The following FBXO25 variants were observed in gnomAD, a reference collection of about 807,000 sequenced individuals.
The protein encoded by FBXO25 is F-box only protein 25.
In FBXO25, 45 loss-of-function variants were observed where a neutral mutation model predicts 51.9. The observed-to-expected ratio is 0.87, with a 90% CI of 0.68 to 1.11. The LOEUF (loss-of-function observed/expected upper bound fraction) is 1.11, where lower values mean the gene tolerates loss of function less well. Among genes scored for constraint, FBXO25 ranks in the 50% most tolerant of loss-of-function variants. The probability of loss-of-function intolerance (pLI) is 0.00; values close to 1 mark genes in which losing one functional copy is unlikely to be tolerated. For missense variants in FBXO25, 507 were observed against 428.5 expected (o/e 1.18, Z -1.62); for synonymous variants, 199 against 151.0 (o/e 1.32, Z -2.33).
Position 451,258 on chromosome 8 carries a change from A to G in FBXO25, c.476-11A>G, listed in dbSNP as rs200227738. ...TGTATCAATCCATAGTTTTATTTTT[A>G]TTTATTCCAGTTCTTGATGACCACC... On this transcript the variant is annotated splice_polypyrimidine_tract_variant and intron_variant, in intron 6 of 9. Coordinates refer to ENST00000350302, the MANE Select transcript of FBXO25 (RefSeq NM_183420.2). The G allele has an allele frequency of 1.6e-4, 252 of 1,582,240 alleles. 1 individual carries two copies. The highest frequency in any genetic ancestry group is 6.2e-5 in the Non-Finnish European group (73 of 1,169,156).
At chr8:410,662 T>C (rs1235649335) in intron 1 of FBXO25, among the ~76,000 whole-genome samples, 1 of 152,210 alleles carries the variant, frequency 6.6e-6, no homozygotes, top group South Asian at 2.1e-4. Context: ...TAGATAACTT[T>C]AGGTCGACTG....
intron 1 of FBXO25, among the ~76,000 whole-genome samples, chr8:407,894 C>G (rs1332381680): frequency 6.6e-6 from 1 of 152,208 alleles, no homozygotes; most frequent in African/African-American, 2.4e-5. Context: ...GATTCCACCT[C>G]TGTCCTTGGG....
At chr8:444,616 C>T (rs1253837934) in intron 5 of FBXO25, among the ~76,000 whole-genome samples, 1 of 152,128 alleles carries the variant, frequency 6.6e-6, no homozygotes, top group Non-Finnish European at 1.5e-5. Context: ...TTATCTAATT[C>T]TTCCACATCT....
At chr8:410,885 C>G (rs1382387277) in intron 1 of FBXO25, among the ~76,000 whole-genome samples, 1 of 152,192 alleles carries the variant, frequency 6.6e-6, no homozygotes, top group African/African-American at 2.4e-5. Flanking sequence ...AGAATAATTA[C>G]TTCATCATTT....
chr8:463,190 T>G, intron 9 of FBXO25, 40 bp downstream of exon 9: 1 of 1,599,040 alleles, frequency 6.3e-7, no homozygotes. Flanking sequence ...CAGGATTAAA[T>G]TTTGGTGAAA....
intron 2 of FBXO25, among the ~76,000 whole-genome samples, chr8:414,872 C>T (rs767324209): frequency 3.9e-5 from 6 of 152,186 alleles, no homozygotes; most frequent in Non-Finnish European, 7.3e-5. Flanking sequence ...GGATCCCCCG[C>T]CCTGCTTCCT....
rs375561805 is a variant in FBXO25 at position 442,161 on chromosome 8, T to G, written c.381+6454T>G. On this transcript the variant is annotated intron_variant, in intron 5 of 9. Coordinates refer to ENST00000350302, the MANE Select transcript of FBXO25 (RefSeq NM_183420.2). ...AATTTACTGTTGTATAATAATTTAT[T>G]CAGTAGGCCCTGCTATATCCCAAGC... is the stretch of plus-strand genomic sequence containing the variant. Among the ~76,000 whole-genome samples, 21 of 152,280 alleles carry G rather than the reference T, an allele frequency of 1.4e-4. No homozygotes were observed. The East Asian group carries it at 1.9e-3, about 14-fold the overall frequency.
intron 2 of FBXO25, among the ~76,000 whole-genome samples, chr8:424,660 T>C (rs879729518): frequency 1.3e-5 from 2 of 152,232 alleles, no homozygotes; most frequent in African/African-American, 2.4e-5. Context: ...TTGTCAAAGA[T>C]TGAATGGTTG....
intron 9 of FBXO25, chr8:468,358 G>A (rs1489611554): frequency 2.5e-6 from 2 of 793,326 alleles, no homozygotes; most frequent in Non-Finnish European, 3.1e-6. Flanking sequence ...AGGAATGGCT[G>A]GGACCAGAGG....
At chr8:426,256 G>T (rs1486173388) in intron 2 of FBXO25, among the ~76,000 whole-genome samples, 1 of 152,048 alleles carries the variant, frequency 6.6e-6, no homozygotes, top group Non-Finnish European at 1.5e-5. Flanking sequence ...CTGTGTTTGT[G>T]TATACTCATA....
intron 1 of FBXO25, among the ~76,000 whole-genome samples, chr8:411,836 G>C (rs1344278991): frequency 6.6e-6 from 1 of 152,168 alleles, no homozygotes; most frequent in Non-Finnish European, 1.5e-5. Context: ...AGCAGTGTGA[G>C]CATCTGAGGT....
Position 470,969 on chromosome 8 carries a change from T to G in FBXO25, c.*2165T>G, listed in dbSNP as rs993040647. The G allele has an allele frequency of 1.3e-5, 2 of 152,222 alleles. No individual in the cohort carries two copies. Among genetic ancestry groups the G allele is most frequent in the African/African-American group, 4.8e-5 (2 of 41,456 alleles). 9.4% of individuals were successfully genotyped at this position (152,222 alleles called of 1,614,324 possible). The stretch of plus-strand genomic sequence containing the variant: ...ACTATCCTTTTGAAGTTGTGGTTCT[T>G]TCCCCTAATTTGTCATATACTGTTA... On this transcript the variant is annotated 3_prime_UTR_variant, in exon 10 of 10. Transcript: ENST00000350302.
At chr8:415,939 G>A (rs937698707) in intron 2 of FBXO25, among the ~76,000 whole-genome samples, 5 of 152,150 alleles carry the variant, frequency 3.3e-5, no homozygotes, top group Non-Finnish European at 7.3e-5. Context: ...AACTATAGGC[G>A]CTGTTGAGGA....
At chr8:426,042 C>G (rs1317530372) in intron 2 of FBXO25, among the ~76,000 whole-genome samples, 1 of 152,174 alleles carries the variant, frequency 6.6e-6, no homozygotes, top group Non-Finnish European at 1.5e-5. Context: ...CCGCCTCTAC[C>G]AGAACACTGG....
At chr8:441,848 G>A (rs148903586) in intron 5 of FBXO25, among the ~76,000 whole-genome samples, 14,705 of 152,206 alleles carry the variant, frequency 0.097, 842 homozygotes, top group African/African-American at 0.15. Flanking sequence ...TCATTAAAAA[G>A]TCAGGAAACA....
intron 1 of FBXO25, among the ~76,000 whole-genome samples, chr8:411,993 T>A (rs1796507610): frequency 6.6e-6 from 1 of 152,208 alleles, no homozygotes; most frequent in Admixed American, 6.5e-5. Context: ...AAAAGCTTCC[T>A]GTGATGTTAA....
At chr8:441,215 G>A (rs28771178) in intron 5 of FBXO25, among the ~76,000 whole-genome samples, 193 of 152,214 alleles carry the variant, frequency 1.3e-3, no homozygotes, top group South Asian at 2.3e-3. Context: ...AACGCCACAC[G>A]TCTACAACCA....
chr8:444,746 A>G (rs1350081085), intron 5 of FBXO25, among the ~76,000 whole-genome samples: 4 of 151,900 alleles, frequency 2.6e-5, no homozygotes, highest in African/African-American at 4.8e-5. Flanking sequence ...TCCTTTTTTT[A>G]CTGTACCTTT....
rs542546388 is a variant in FBXO25 at position 475,444 on chromosome 8, G to A, written c.*6640G>A. On this transcript the variant is annotated 3_prime_UTR_variant, in exon 10 of 10. Transcript: ENST00000350302. ...TGAGGTCTCTTGAGATTCCATATGA[G>A]TTTCAGGATGGAAAAAAAAAAGCCA... is the stretch of plus-strand genomic sequence containing the variant. 1.3e-5 allele frequency: 2 copies of A among 152,056 alleles called. No individual in the cohort carries two copies. Among genetic ancestry groups the A allele is most frequent in the Non-Finnish European group, 2.9e-5 (2 of 68,844 alleles). The allele number at this position is 152,056 out of a possible 1,614,324, so 9.4% of individuals were successfully genotyped here.
Sources: gnomAD v4.1 joint callset for allele counts (sites outside exome capture counted in the v4.1 genomes callset) on GRCh38, gnomAD v4.1.1 for gene constraint, MANE v1.5 for transcripts, NCBI Gene and HGNC (gene_info 2026-07-23, HGNC 2026-07-21) for gene names.